LAMB1: variants seen among roughly 807,000 people sequenced by gnomAD.
The protein encoded by LAMB1 is laminin subunit beta-1.
Under a neutral mutation model 222.3 loss-of-function variants are expected in LAMB1, and 121 were observed. The observed-to-expected ratio is 0.54, with a 90% CI of 0.47 to 0.63. LAMB1 has a LOEUF of 0.63. LAMB1 is among the 30% of genes least tolerant of loss of function. LAMB1 has a pLI of 0.00. For missense variants in LAMB1, 2,172 were observed against 2,240.8 expected, an observed-to-expected ratio of 0.97 and a Z score of 0.62; for synonymous variants, 794 against 807.2, an observed-to-expected ratio of 0.98 and a Z score of 0.28.
At chr7:107,973,916 G>A (rs1034825731) in intron 12 of LAMB1, among the ~76,000 whole-genome samples, 2 of 152,100 alleles carry the variant, frequency 1.3e-5, no homozygotes, top group Non-Finnish European at 2.9e-5. Context: ...AAAGTGGTGG[G>A]ATTACAGGTG....
intron 5 of LAMB1, among the ~76,000 whole-genome samples, chr7:107,987,446 G>A (rs904677347): frequency 2.0e-5 from 3 of 152,054 alleles, no homozygotes; most frequent in African/African-American, 7.2e-5. Context: ...TTTCTGTTAT[G>A]GATATTTTAC....
chr7:107,987,923 T>G (rs570404083), intron 5 of LAMB1, among the ~76,000 whole-genome samples: 1 of 152,282 alleles, frequency 6.6e-6, no homozygotes, highest in African/African-American at 2.4e-5. Flanking sequence ...CTTACGTTTT[T>G]GCAAGGAAAA....
At chr7:107,949,586 G>C (rs2033198121) in intron 24 of LAMB1, among the ~76,000 whole-genome samples, 1 of 152,210 alleles carries the variant, frequency 6.6e-6, no homozygotes, top group Non-Finnish European at 1.5e-5. Flanking sequence ...TAATGGAAGA[G>C]GGGATGTCAG....
At chr7:107,951,630 G>T (rs945344676) in intron 23 of LAMB1, among the ~76,000 whole-genome samples, 3 of 151,850 alleles carry the variant, frequency 2.0e-5, no homozygotes, top group African/African-American at 7.3e-5. Flanking sequence ...GACTTAGGGA[G>T]TATGCCCTCC....
Position 107,929,167 on chromosome 7 carries a change from AC to A in LAMB1, c.4783del (p.Val1595Ter). 1 of 1,613,908 alleles carries A rather than the reference AC, an allele frequency of 6.2e-7. No individual in the cohort carries two copies. The highest frequency in any genetic ancestry group is 1.1e-5 in the South Asian group (1 of 91,070). ...ATDVKVTADM[V>X]KEALEEAEKA... Reference sequence around the variant, plus strand: ...TTCTGCTTCTTCCAGAGCTTCCTTTACCATATCTGCAGTGACTTTAACATCT... The same window carrying A: ...TTCTGCTTCTTCCAGAGCTTCCTTTACATATCTGCAGTGACTTTAACATCT... On this transcript the variant is annotated frameshift_variant, in exon 31 of 34. Coordinates refer to ENST00000222399, the MANE Select transcript of LAMB1 (RefSeq NM_002291.3). LOFTEE classifies it high-confidence loss of function.
chr7:107,963,137 C>T (rs2033549295), intron 14 of LAMB1, 74 bp from the exon 15 acceptor site: 32 of 1,367,910 alleles, frequency 2.3e-5, no homozygotes, highest in African/African-American at 2.9e-5. Context: ...CAAAGTAATC[C>T]GAAGTCACCC....
rs560469042 is a variant in LAMB1, at chr7:107,952,026, C to T, written c.3277G>A (p.Gly1093Arg). 60 of 1,611,740 alleles carry T rather than the reference C, an allele frequency of 3.7e-5. No individual in the cohort carries two copies. Among genetic ancestry groups the T allele is most frequent in the African/African-American group, 2.5e-4 (19 of 75,002 alleles). ...CCCCTCACCTCATTGCAAGATGGCC[C>T]GAAGGAATGAGCAGCATTGCAGTTG... ...PCNCNAAHSF[G>R]PSCNEFTGQC... Residue 1093 changes from glycine to arginine, a missense_variant, in exon 23 of 34, where the codon GGG (glycine) becomes AGG (arginine). Coordinates refer to ENST00000222399, the MANE Select transcript of LAMB1 (RefSeq NM_002291.3).
rs775144042 is a variant in LAMB1 at position 107,959,800 on chromosome 7, G to A, written c.2349C>T (p.Ser783=). 18 of 1,613,726 alleles carry A rather than the reference G, an allele frequency of 1.1e-5. No individual in the cohort carries two copies. The highest frequency in any genetic ancestry group is 6.6e-5 in the South Asian group (6 of 90,948). The change falls in exon 19 of 34, where the codon TCC becomes TCT. Residue 783 remains serine, a synonymous_variant. Coordinates refer to ENST00000222399, the MANE Select transcript of LAMB1 (RefSeq NM_002291.3). Reference sequence around the variant, plus strand: ...ACTGGCCTCCGTTGGGATCACACACGGAACTTAACGAACCCTGAGGGTCGC... The same window carrying A: ...ACTGGCCTCCGTTGGGATCACACACAGAACTTAACGAACCCTGAGGGTCGC... ...CECDPQGSLS[S]VCDPNGGQCQ...
chr7:107,997,194 C>T (rs530979300), intron 4 of LAMB1, among the ~76,000 whole-genome samples: 3 of 152,212 alleles, frequency 2.0e-5, no homozygotes, highest in South Asian at 2.1e-4. Flanking sequence ...GAGGCCAAGG[C>T]GGGTGGATCA....
chr7:107,991,905 CAAAAAA>C (rs71134302), intron 5 of LAMB1, among the ~76,000 whole-genome samples: 3 of 91,992 alleles, frequency 3.3e-5, no homozygotes, highest in East Asian at 3.9e-4. Context: ...GACTTCGTCT[CAAAAAA>C]AAAAAAAAAA....
intron 13 of LAMB1, among the ~76,000 whole-genome samples, chr7:107,969,879 G>A (rs1382861813): frequency 6.6e-6 from 1 of 152,160 alleles, no homozygotes; most frequent in Non-Finnish European, 1.5e-5. Flanking sequence ...GTCCATCCTT[G>A]ACTGAAATGT....
intron 13 of LAMB1, among the ~76,000 whole-genome samples, chr7:107,971,133 A>C (rs1271944841): frequency 6.6e-6 from 1 of 152,238 alleles, no homozygotes; most frequent in Non-Finnish European, 1.5e-5. Context: ...CTCACTATAC[A>C]AAACATCTTA....
chr7:107,938,944 C>G (rs765574245), intron 25 of LAMB1, among the ~76,000 whole-genome samples: 1 of 152,200 alleles, frequency 6.6e-6, no homozygotes, highest in Non-Finnish European at 1.5e-5. Flanking sequence ...TCCTCTGCTA[C>G]TCATGCCTGG....
intron 27 of LAMB1, chr7:107,932,708 T>A: frequency 3.3e-6 from 1 of 304,870 alleles, no homozygotes; most frequent in Non-Finnish European, 6.2e-6. Context: ...AATGCCTTCC[T>A]TTTTTTCTAA....
At chr7:107,994,816 C>T (rs2034253198) in intron 5 of LAMB1, 71 bp downstream of exon 5, 10 of 807,892 alleles carry the variant, frequency 1.2e-5, no homozygotes, top group Non-Finnish European at 2.1e-6. Context: ...TCACATCTGA[C>T]ATCCATTTTG....
At chr7:107,988,586 T>C (rs551852826) in intron 5 of LAMB1, among the ~76,000 whole-genome samples, 1 of 152,246 alleles carries the variant, frequency 6.6e-6, no homozygotes, top group Non-Finnish European at 1.5e-5. Context: ...TCTCTATAAT[T>C]TGGGCTGATT....
In LAMB1 at chr7:107,940,272, G is replaced by T; in HGVS notation, c.3478C>A (p.Pro1160Thr). Residue 1160 changes from proline (P) to threonine (T), a missense_variant, in exon 25 of 34, where the codon CCA becomes ACA. By Grantham distance (38) the Pro-to-Thr change is conservative. Coordinates refer to ENST00000222399, the MANE Select transcript of LAMB1 (RefSeq NM_002291.3). ...QCVCVEGVEGPRCDKCTRGYS... is the reference protein window; with the variant it reads ...QCVCVEGVEGTRCDKCTRGYS... ...CCTCGCGTGCACTTGTCACAGCGTG[G>T]ACCCTCAACACCCTCAACGCAGACA... is the stretch of plus-strand genomic sequence containing the variant. The T allele has an allele frequency of 1.2e-6, 2 of 1,614,222 alleles. No individual in the cohort carries two copies. Among genetic ancestry groups the T allele is most frequent in the Non-Finnish European group, 1.7e-6 (2 of 1,180,050 alleles).
rs555888325 is a variant in LAMB1 at position 107,981,173 on chromosome 7, G to A, written c.677-362C>T. 1.5e-3 allele frequency among the ~76,000 whole-genome samples: 222 copies of A among 152,232 alleles called. 1 individual carries two copies. The highest frequency in any genetic ancestry group is 5.0e-3 in the African/African-American group (207 of 41,540). On this transcript the variant is annotated intron_variant, in intron 7 of 33. Coordinates refer to ENST00000222399, the MANE Select transcript of LAMB1 (RefSeq NM_002291.3). ...AAAAAATACAAAAATTAGACCGGGC[G>A]CGGTGGCTCACACCTGTATTCCCAG...
intron 21 of LAMB1, among the ~76,000 whole-genome samples, chr7:107,954,311 C>G (rs1160076525): frequency 6.6e-6 from 1 of 151,412 alleles, no homozygotes; most frequent in East Asian, 2.0e-4. Context: ...TGCGGCACTA[C>G]ACCTGACTAA....
Sources: allele counts gnomAD v4.1 joint callset (sites outside exome capture counted in the v4.1 genomes callset), GRCh38; gene constraint gnomAD v4.1.1; transcripts MANE v1.5; gene names NCBI Gene and HGNC (gene_info 2026-07-23, HGNC 2026-07-21).